MRPL35: variants seen among roughly 807,000 people sequenced by gnomAD.
MRPL35 encodes mitochondrial ribosomal protein L35, also known as large ribosomal subunit protein bL35m.
In MRPL35, 18 loss-of-function variants were observed where a neutral mutation model predicts 21.6. That is an observed-to-expected ratio of 0.83 (90% CI 0.58 to 1.24). MRPL35 has a LOEUF of 1.24. MRPL35 is among the 50% of genes most tolerant of loss of function. The pLI, the probability that MRPL35 is intolerant of heterozygous loss-of-function variation, is 0.00. For synonymous variants in MRPL35, 87 were observed against 86.9 expected (o/e 1.00, Z -0.01); for missense variants, 223 against 223.2 (o/e 1.00, Z 0.01).
intron 1 of MRPL35, among the ~76,000 whole-genome samples, chr2:86,204,410 CT>C (rs1673749303): frequency 7.1e-6 from 1 of 140,542 alleles, no homozygotes; most frequent in African/African-American, 2.6e-5. Context: ...CACATTCCAG[CT>C]TTAGGACTTT....
At chr2:86,210,404 T>TG (rs1364149957) in intron 3 of MRPL35, 76 bp from the exon 4 acceptor site, 4 of 1,276,558 alleles carry the variant, frequency 3.1e-6, no homozygotes, top group Non-Finnish European at 4.2e-6. Context: ...ATTGGGTCTA[T>TG]AAACCTTGAG....
chr2:86,207,333 T>C lies in MRPL35; in HGVS notation c.378+6T>C, dbSNP rs1673821828. The C allele has an allele frequency of 6.2e-7, 1 of 1,607,748 alleles. No homozygotes were observed. The highest frequency in any genetic ancestry group is 8.5e-7 in the Non-Finnish European group (1 of 1,177,624). On this transcript the variant is annotated splice_donor_region_variant and intron_variant, in intron 3 of 3. Coordinates refer to ENST00000337109, the MANE Select transcript of MRPL35 (RefSeq NM_016622.4). ...GCCTTTGGGTGAGGAGAAAGGTGAG[T>C]CTTCACACTGTTACTAAATTGAAAA... is the stretch of plus-strand genomic sequence containing the variant.
At position 86,212,398 on chromosome 2, in the gene MRPL35, TG is replaced by T. The variant is rs749570918; in HGVS notation, c.*1732del. On this transcript the variant is annotated 3_prime_UTR_variant, in exon 4 of 4. Transcript: ENST00000337109. ...AACATGGAATGGCATTCTGTTTTGA[TG>T]GATTTTCATTTCTTCGCACTTCTGA... is the stretch of plus-strand genomic sequence containing the variant. The T allele has an allele frequency of 6.2e-7, 1 of 1,613,822 alleles. No individual in the cohort carries two copies. Among genetic ancestry groups the T allele is most frequent in the Non-Finnish European group, 8.5e-7 (1 of 1,179,870 alleles).
Position 86,210,473 on chromosome 2 carries a change from C to G in MRPL35, c.379-7C>G, listed in dbSNP as rs1055695083. 6.3e-7 allele frequency: 1 copy of G among 1,599,188 alleles called. No homozygotes were observed. The highest frequency in any genetic ancestry group is 1.8e-5 in the Admixed American group (1 of 56,784). On this transcript the variant is annotated splice_polypyrimidine_tract_variant and splice_region_variant and intron_variant, in intron 3 of 3. Transcript: ENST00000337109. ...GATGTTTTACATTTCTTTGTAATATCTGACAGGCTGGCTATAAGAAAAAAT... is the reference window on the plus strand; with the variant it reads ...GATGTTTTACATTTCTTTGTAATATGTGACAGGCTGGCTATAAGAAAAAAT...
intron 1 of MRPL35, among the ~76,000 whole-genome samples, chr2:86,200,428 C>T (rs1200506193): frequency 1.3e-5 from 2 of 152,158 alleles, no homozygotes; most frequent in African/African-American, 2.4e-5. Flanking sequence ...CTCCTCTCCC[C>T]TATGTATCAA....
intron 1 of MRPL35, among the ~76,000 whole-genome samples, chr2:86,204,027 G>A (rs1056401390): frequency 2.6e-5 from 4 of 151,276 alleles, no homozygotes; most frequent in African/African-American, 4.9e-5. Context: ...TTTTGTTGCC[G>A]AGGCTGGAGT....
chr2:86,206,338 T>G, intron 2 of MRPL35, 43 bp downstream of exon 2: 11 of 1,536,476 alleles, frequency 7.2e-6, no homozygotes, highest in Non-Finnish European at 9.7e-6. Flanking sequence ...TTTTTTGTTT[T>G]TTGTTTTTTT....
intron 3 of MRPL35, among the ~76,000 whole-genome samples, chr2:86,207,893 C>G (rs988876031): frequency 6.6e-6 from 1 of 152,192 alleles, no homozygotes; most frequent in African/African-American, 2.4e-5. Context: ...GGTGACACAG[C>G]AAGACTTCAT....
At chr2:86,199,859 G>A (rs935143147) in intron 1 of MRPL35, among the ~76,000 whole-genome samples, 3 of 152,198 alleles carry the variant, frequency 2.0e-5, no homozygotes, top group African/African-American at 7.2e-5. Context: ...GCTACGACCT[G>A]CCATTCACGA....
chr2:86,200,962 G>A (rs1204603632), intron 1 of MRPL35, among the ~76,000 whole-genome samples: 3 of 152,086 alleles, frequency 2.0e-5, no homozygotes, highest in Admixed American at 1.3e-4. Context: ...CACCCTGCCC[G>A]GCCTGCTGTA....
chr2:86,201,193 T>C (rs928121505), intron 1 of MRPL35, among the ~76,000 whole-genome samples: 2 of 152,238 alleles, frequency 1.3e-5, no homozygotes, highest in Admixed American at 6.5e-5. Context: ...ACACCTGATA[T>C]TGATATTGTC....
Position 86,210,739 on chromosome 2 carries a change from A to T in MRPL35, c.*71A>T. The T allele has an allele frequency of 3.3e-6, 5 of 1,496,344 alleles. No homozygotes were observed. The highest frequency in any genetic ancestry group is 4.5e-6 in the Non-Finnish European group (5 of 1,119,704). 92.7% of individuals were successfully genotyped at this position (1,496,344 alleles called of 1,614,324 possible). A position where few individuals can be genotyped will look rare whatever the true frequency, so the allele number is the denominator to read the frequency against. On this transcript the variant is annotated 3_prime_UTR_variant, in exon 4 of 4. Coordinates refer to ENST00000337109, the MANE Select transcript of MRPL35 (RefSeq NM_016622.4). The stretch of plus-strand genomic sequence containing the variant: ...TGTACATATCTTTGCAAAAATGGAT[A>T]AGTACAAAACTTGATGTAAATTGTA...
In MRPL35 at chr2:86,212,446, G is replaced by A. The variant is rs1413971383; in HGVS notation, c.*1778G>A. ...CTGAGACGGCAAAGCCAACCACTTA[G>A]AAGCCTTCCACATCTTTGTCACCTG... On this transcript the variant is annotated 3_prime_UTR_variant, in exon 4 of 4. Transcript: ENST00000337109. 1 of 1,613,710 alleles carries A rather than the reference G, an allele frequency of 6.2e-7. No homozygotes were observed.
intron 1 of MRPL35, among the ~76,000 whole-genome samples, chr2:86,203,605 C>G (rs1343343425): frequency 6.6e-6 from 1 of 152,198 alleles, no homozygotes; most frequent in Non-Finnish European, 1.5e-5. Context: ...TGGTCACAAG[C>G]ATTTCAGATA....
At position 86,213,598 on chromosome 2, in the gene MRPL35, C is replaced by T; in HGVS notation, c.*2930C>T. 2 of 1,549,670 alleles carry T rather than the reference C, an allele frequency of 1.3e-6. No homozygotes were observed. The highest frequency in any genetic ancestry group is 1.7e-6 in the Non-Finnish European group (2 of 1,146,440). ...AGGGCTGCAGCAGGTTTAAGGGTGG[C>T]CCTTCACCACCCTGTTGTCACCTGC... On this transcript the variant is annotated 3_prime_UTR_variant, in exon 4 of 4. Transcript: ENST00000337109.
chr2:86,211,932 GA>G lies in MRPL35; in HGVS notation c.*1267del. On this transcript the variant is annotated 3_prime_UTR_variant, in exon 4 of 4. Coordinates refer to ENST00000337109, the MANE Select transcript of MRPL35 (RefSeq NM_016622.4). Reference sequence around the variant, plus strand: ...GGAGAAAGTAATCTCAGTTGTTTTAGAAACGAAAAAGTTAAGCATTGTTTAC... The same window carrying G: ...GGAGAAAGTAATCTCAGTTGTTTTAGAACGAAAAAGTTAAGCATTGTTTAC... The G allele has an allele frequency of 1.0e-6, 1 of 985,794 alleles. No individual in the cohort carries two copies. Among genetic ancestry groups the G allele is most frequent in the Non-Finnish European group, 1.2e-6 (1 of 830,196 alleles). The allele number at this position is 985,794 out of a possible 1,614,324, so 61.1% of individuals were successfully genotyped here. A position where few individuals can be genotyped will look rare whatever the true frequency, so the allele number is the denominator to read the frequency against.
Position 86,213,285 on chromosome 2 carries a change from C to T in MRPL35, c.*2617C>T. 4 of 1,114,904 alleles carry T rather than the reference C, an allele frequency of 3.6e-6. No individual in the cohort carries two copies. The highest frequency in any genetic ancestry group is 4.4e-6 in the Non-Finnish European group (4 of 914,542). 69.1% of individuals were successfully genotyped at this position (1,114,904 alleles called of 1,614,324 possible). ...ACTTTGCTTTCCTGTCCTTTGCCAA[C>T]TCTTAACCTAGTTAATCCTAGTTCT... is the stretch of plus-strand genomic sequence containing the variant. On this transcript the variant is annotated 3_prime_UTR_variant, in exon 4 of 4. Coordinates refer to ENST00000337109, the MANE Select transcript of MRPL35 (RefSeq NM_016622.4).
At chr2:86,202,601 G>A (rs1437487280) in intron 1 of MRPL35, among the ~76,000 whole-genome samples, 2 of 124,044 alleles carry the variant, frequency 1.6e-5, no homozygotes, top group East Asian at 2.0e-4. Context: ...AGTTCTTTGC[G>A]ATTTAACTTA....
chr2:86,201,244 G>A (rs892689455), intron 1 of MRPL35, among the ~76,000 whole-genome samples: 2 of 152,104 alleles, frequency 1.3e-5, no homozygotes, highest in African/African-American at 4.8e-5. Flanking sequence ...TTAATCTGGT[G>A]GCTTTGTAAT....
Sources: allele counts gnomAD v4.1 joint callset (sites outside exome capture counted in the v4.1 genomes callset), GRCh38; gene constraint gnomAD v4.1.1; transcripts MANE v1.5; gene names NCBI Gene and HGNC (gene_info 2026-07-23, HGNC 2026-07-21).